The following UNC13C variants were observed in gnomAD, a reference collection of about 807,000 sequenced individuals.
The protein encoded by UNC13C is unc-13 homolog C.
In UNC13C, 174 loss-of-function variants were observed where a neutral mutation model predicts 245.4. That is an observed-to-expected ratio of 0.71 (90% CI 0.63 to 0.80). The LOEUF is 0.80. UNC13C is among the 30% of genes least tolerant of loss of function. The pLI is 0.00. For missense variants in UNC13C, 2,829 were observed against 2,602.9 expected (o/e 1.09, Z -1.89); for synonymous variants, 992 against 895.1 (o/e 1.11, Z -1.93).
chr15:54,602,108 G>A (rs1242886715), intron 30 of UNC13C, among the ~76,000 whole-genome samples: 1 of 152,146 alleles, frequency 6.6e-6, no homozygotes, highest in African/African-American at 2.4e-5. Context: ...TCAATTAGCA[G>A]CTGTTGAAAA....
chr15:53,922,951 G>A, the UNC13C span, among the ~76,000 whole-genome samples: 1 of 152,274 alleles, frequency 6.6e-6, no homozygotes, highest in East Asian at 1.9e-4. Context: ...AATGCATAAG[G>A]TGATCAGTAG....
At chr15:54,426,453 C>G in intron 19 of UNC13C, among the ~76,000 whole-genome samples, 1 of 150,218 alleles carries the variant, frequency 6.7e-6, no homozygotes, top group Non-Finnish European at 1.5e-5. Context: ...TGGTGCCTTG[C>G]TTTATCAAAG....
At chr15:54,314,142 A>T (rs1253048514) in intron 13 of UNC13C, among the ~76,000 whole-genome samples, 1 of 151,572 alleles carries the variant, frequency 6.6e-6, no homozygotes, top group Non-Finnish European at 1.5e-5. Context: ...CCAGGGTCTT[A>T]GGGAAAGGAG....
intron 21 of UNC13C, among the ~76,000 whole-genome samples, chr15:54,500,527 C>T (rs1894159549): frequency 6.6e-6 from 1 of 151,986 alleles, no homozygotes; most frequent in Admixed American, 6.6e-5. Flanking sequence ...TGAAGCAGCT[C>T]CCAAAATCGT....
intron 10 of UNC13C, among the ~76,000 whole-genome samples, chr15:54,280,139 A>G (rs1190141925): frequency 6.6e-6 from 1 of 152,154 alleles, no homozygotes; most frequent in Admixed American, 6.5e-5. Context: ...ATAAACATAT[A>G]CATATACAAG....
chr15:54,278,287 G>T (rs761339388), intron 10 of UNC13C, among the ~76,000 whole-genome samples: 3 of 152,038 alleles, frequency 2.0e-5, no homozygotes, highest in Non-Finnish European at 2.9e-5. Context: ...ATTCTTAACA[G>T]CCAGAAGTTT....
At chr15:54,475,642 A>G (rs907359831) in intron 19 of UNC13C, among the ~76,000 whole-genome samples, 1 of 150,252 alleles carries the variant, frequency 6.7e-6, no homozygotes, top group African/African-American at 2.4e-5. Flanking sequence ...TGAACTCATC[A>G]TTTTTTATGG....
chr15:54,351,547 C>G (rs1248633852), intron 17 of UNC13C, among the ~76,000 whole-genome samples: 2 of 152,058 alleles, frequency 1.3e-5, no homozygotes, highest in Non-Finnish European at 2.9e-5. Context: ...TATATAATTC[C>G]TTTTAAAGAG....
intron 2 of UNC13C, among the ~76,000 whole-genome samples, chr15:54,086,019 AT>A (rs1224072633): frequency 6.6e-6 from 1 of 152,230 alleles, no homozygotes; most frequent in Non-Finnish European, 1.5e-5. Flanking sequence ...GAATGATCAA[AT>A]TTGGATCATC....
intron 13 of UNC13C, among the ~76,000 whole-genome samples, chr15:54,311,089 G>A (rs530900091): frequency 1.3e-5 from 2 of 151,668 alleles, no homozygotes; most frequent in Admixed American, 6.6e-5. Context: ...TTCTAGAAAA[G>A]GATAGGTATT....
intron 4 of UNC13C, among the ~76,000 whole-genome samples, chr15:54,230,071 G>T (rs1292989661): frequency 1.6e-5 from 1 of 64,014 alleles, no homozygotes; most frequent in Admixed American, 1.6e-4. Context: ...GAATAATGTG[G>T]CAATAAATAT....
intron 10 of UNC13C, among the ~76,000 whole-genome samples, chr15:54,270,509 A>C (rs1164371930): frequency 1.3e-5 from 2 of 152,160 alleles, no homozygotes; most frequent in Non-Finnish European, 2.9e-5. Flanking sequence ...TTAAGTGTTA[A>C]AAATGATAGC....
the UNC13C span, among the ~76,000 whole-genome samples, chr15:53,903,694 G>C: frequency 6.6e-6 from 1 of 152,176 alleles, no homozygotes; most frequent in Non-Finnish European, 1.5e-5. Context: ...AGTAGGATAA[G>C]GAAAGCAGGC....
intron 4 of UNC13C, among the ~76,000 whole-genome samples, chr15:54,225,303 G>C (rs1249224370): frequency 6.6e-6 from 1 of 151,644 alleles, no homozygotes; most frequent in East Asian, 1.9e-4. Context: ...GCTCTTTTTT[G>C]GTTCCATATA....
At chr15:54,324,042 A>G (rs1242812618) in intron 14 of UNC13C, among the ~76,000 whole-genome samples, 1 of 152,086 alleles carries the variant, frequency 6.6e-6, no homozygotes, top group African/African-American at 2.4e-5. Context: ...TGTAGTTATA[A>G]CAAACTTCCT....
At chr15:54,172,735 T>TATAC (rs1567067124) in intron 4 of UNC13C, among the ~76,000 whole-genome samples, 1 of 115,464 alleles carries the variant, frequency 8.7e-6, no homozygotes, top group Non-Finnish European at 1.7e-5. Context: ...TATATATATA[T>TATAC]ATATATATAT....
chr15:54,185,773 GAA>G (rs1459275952), intron 4 of UNC13C, among the ~76,000 whole-genome samples: 1 of 151,020 alleles, frequency 6.6e-6, no homozygotes, highest in Non-Finnish European at 1.5e-5. Flanking sequence ...GGTTCCATAT[GAA>G]CTTTAAAGTA....
At chr15:54,024,849 C>T (rs977359890) in intron 2 of UNC13C, among the ~76,000 whole-genome samples, 8 of 151,838 alleles carry the variant, frequency 5.3e-5, no homozygotes, top group African/African-American at 1.9e-4. Flanking sequence ...CGGGAGGCGG[C>T]GCTTGCAGTG....
At chr15:54,211,838 G>C (rs753173987) in intron 4 of UNC13C, among the ~76,000 whole-genome samples, 1 of 152,108 alleles carries the variant, frequency 6.6e-6, no homozygotes, top group Non-Finnish European at 1.5e-5. Context: ...GCAGGACTGA[G>C]GTCAGGATGC....
Sources: gnomAD v4.1 joint callset for allele counts (sites outside exome capture counted in the v4.1 genomes callset) on GRCh38, gnomAD v4.1.1 for gene constraint, MANE v1.5 for transcripts, NCBI Gene and HGNC (gene_info 2026-07-23, HGNC 2026-07-21) for gene names.